Variants in BRD4 observed in about 807,000 individuals in gnomAD.
BRD4 encodes the protein bromodomain containing 4, also known as bromodomain-containing protein 4.
A neutral mutation model predicts 142.1 loss-of-function variants in BRD4; 16 were observed. The ratio of observed to expected loss-of-function variants is 0.11; its 90% CI spans 0.08 to 0.17. The LOEUF (loss-of-function observed/expected upper bound fraction) is 0.17, where lower values mean the gene tolerates loss of function less well. Ranked by LOEUF, BRD4 falls within the 10% of genes least tolerant of loss-of-function variation. BRD4 has a pLI of 1.00. For missense variants in BRD4, 1,424 were observed against 1,810.9 expected (o/e 0.79, Z 3.88); for synonymous variants, 833 against 707.5 (o/e 1.18, Z -2.82).
rs2047396559 is a variant in BRD4, at chr19:15,255,358, G to C, written c.1986C>G (p.Ser662=). 1 of 1,613,996 alleles carries C rather than the reference G, an allele frequency of 6.2e-7. No individual in the cohort carries two copies. The highest frequency in any genetic ancestry group is 1.3e-5 in the African/African-American group (1 of 74,904). The part of the protein sequence containing the change: ...IEIDFETLKP[S]TLRELERYVT... The stretch of plus-strand genomic sequence containing the variant: ...CATAGCGCTCCAGCTCACGCAGTGT[G>C]GACGGCTTCAGGGTCTCAAAGTCGA... The change falls in exon 10 of 20, where the codon TCC becomes TCG. Residue 662 remains serine, a synonymous_variant. Coordinates refer to ENST00000679869, the MANE Select transcript of BRD4 (RefSeq NM_001379291.1).
intron 1 of BRD4, among the ~76,000 whole-genome samples, chr19:15,293,666 A>C (rs1003185401): frequency 2.0e-5 from 3 of 152,244 alleles, no homozygotes; most frequent in Admixed American, 1.3e-4. Flanking sequence ...AATACACAGA[A>C]CCTAAAATCC....
intron 1 of BRD4, among the ~76,000 whole-genome samples, chr19:15,310,811 G>A (rs917695470): frequency 1.3e-5 from 2 of 151,670 alleles, no homozygotes; most frequent in African/African-American, 4.8e-5. Context: ...AGTCCTTTAG[G>A]CAGTCCTGAA....
intron 11 of BRD4, chr19:15,253,250 C>T (rs764329408): frequency 4.3e-5 from 20 of 463,458 alleles, no homozygotes; most frequent in Admixed American, 7.9e-5. Flanking sequence ...AGGGGCTGGT[C>T]GCCAGGCCTT....
At position 15,298,545 on chromosome 19, in the gene BRD4, CG is replaced by C. The variant is rs1275037888; in HGVS notation, c.-34-25413del. On this transcript the variant is annotated intron_variant, in intron 1 of 19. Coordinates refer to ENST00000679869, the MANE Select transcript of BRD4 (RefSeq NM_001379291.1). ...CTGAAGCAGAAGAATCACTTGAACC[CG>C]GGGGGCAGCGGTTGCAGTGAGCAGA... 4.4e-5 allele frequency among the ~76,000 whole-genome samples: 6 copies of C among 136,582 alleles called. No individual in the cohort carries two copies. The Admixed American group carries it at 4.9e-4, about 11-fold the overall frequency. The allele number at this position is 136,582 out of a possible 152,430, so 89.6% of individuals were successfully genotyped here.
intron 11 of BRD4, among the ~76,000 whole-genome samples, chr19:15,251,526 C>T (rs937866040): frequency 1.3e-5 from 2 of 150,972 alleles, no homozygotes; most frequent in Non-Finnish European, 3.0e-5. Context: ...CCACCCTGAC[C>T]CACTCCCGTT....
At chr19:15,257,890 C>T (rs896594758) in intron 7 of BRD4, among the ~76,000 whole-genome samples, 2 of 152,156 alleles carry the variant, frequency 1.3e-5, no homozygotes, top group Non-Finnish European at 2.9e-5. Context: ...ACCTTTCAAC[C>T]CTAAGATCCA....
At chr19:15,306,860 A>G (rs1233975905) in intron 1 of BRD4, among the ~76,000 whole-genome samples, 1 of 152,156 alleles carries the variant, frequency 6.6e-6, no homozygotes, top group East Asian at 1.9e-4. Context: ...AACAGATATA[A>G]TAGTCTGAAA....
chr19:15,245,343 G>A (rs1224126341), intron 11 of BRD4, among the ~76,000 whole-genome samples: 1 of 152,024 alleles, frequency 6.6e-6, no homozygotes, highest in Non-Finnish European at 1.5e-5. Flanking sequence ...AGGACGGTGA[G>A]GAACATATCG....
At chr19:15,312,409 AG>A (rs2047979319) in intron 1 of BRD4, among the ~76,000 whole-genome samples, 1 of 152,056 alleles carries the variant, frequency 6.6e-6, no homozygotes, top group African/African-American at 2.4e-5. Flanking sequence ...CGAGGCGGGC[AG>A]ATCACCTGAG....
At chr19:15,244,828 A>T in intron 11 of BRD4, 66 bp from the exon 12 acceptor site, 1 of 1,609,908 alleles carries the variant, frequency 6.2e-7, no homozygotes, top group South Asian at 1.1e-5. Flanking sequence ...CCTTGGATGA[A>T]GAAAGACGAG....
intron 4 of BRD4, among the ~76,000 whole-genome samples, chr19:15,266,800 G>A (rs149580175): frequency 2.7e-4 from 41 of 152,298 alleles, no homozygotes; most frequent in African/African-American, 6.0e-4. Context: ...CTGCAGCATG[G>A]AGTTGCAAAG....
chr19:15,274,542 T>C (rs544274235), intron 1 of BRD4, among the ~76,000 whole-genome samples: 15 of 152,122 alleles, frequency 9.9e-5, no homozygotes. Flanking sequence ...ACACGCCAGG[T>C]AAGTGATGGC....
chr19:15,272,162 C>A (rs769067497), intron 2 of BRD4, among the ~76,000 whole-genome samples: 4 of 152,122 alleles, frequency 2.6e-5, no homozygotes, highest in Non-Finnish European at 4.4e-5. Flanking sequence ...GGGACATGGG[C>A]ATATGGAAAA....
At chr19:15,318,816 C>A (rs2048037607) in intron 1 of BRD4, among the ~76,000 whole-genome samples, 1 of 152,220 alleles carries the variant, frequency 6.6e-6, no homozygotes, top group Non-Finnish European at 1.5e-5. Flanking sequence ...GCGGCCTTTG[C>A]AACAGACCCA....
At position 15,264,725 on chromosome 19, in the gene BRD4, G is replaced by A. The variant is rs769693022; in HGVS notation, c.891C>T (p.Pro297=). The stretch of plus-strand genomic sequence containing the variant: ...GCTCGTGAATGGGGTCAATGGTGGT[G>A]GGGGTGGTGGTGTCTGCTTTCCTCT... The part of the protein sequence containing the change: ...GVKRKADTTT[P]TTIDPIHEPP... Residue 297 remains proline, a synonymous_variant, in exon 6 of 20, where the codon CCC becomes CCT. Coordinates refer to ENST00000679869, the MANE Select transcript of BRD4 (RefSeq NM_001379291.1). 1.9e-6 allele frequency: 3 copies of A among 1,611,690 alleles called. No individual in the cohort carries two copies. The highest frequency in any genetic ancestry group is 2.5e-6 in the Non-Finnish European group (3 of 1,179,172).
rs199654568 is a variant in BRD4 at position 15,268,993 on chromosome 19, T to C, written c.335A>G (p.Lys112Arg). 4 of 1,614,118 alleles carry C rather than the reference T, an allele frequency of 2.5e-6. No individual in the cohort carries two copies. The highest frequency in any genetic ancestry group is 3.4e-6 in the Non-Finnish European group (4 of 1,180,042). ...KTPMDMGTIK[K>R]RLENNYYWNA... The stretch of plus-strand genomic sequence containing the variant: ...CCAGTAATAGTTGTTTTCCAAGCGC[T>C]TCTTTATTGTTCCCATATCCATAGG... Residue 112 changes from lysine (K) to arginine (R), a missense_variant, in exon 3 of 20, where the codon AAG becomes AGG. By Grantham distance (26) the Lys-to-Arg change is conservative. Around this residue, in one of 16 missense-constraint regions of BRD4, gnomAD observed 55 missense variants for 160.7 expected, o/e 0.34. Coordinates refer to ENST00000679869, the MANE Select transcript of BRD4 (RefSeq NM_001379291.1).
intron 14 of BRD4, among the ~76,000 whole-genome samples, chr19:15,242,227 G>A (rs189575040): frequency 1.1e-3 from 172 of 152,282 alleles, no homozygotes; most frequent in Middle Eastern, 0.01. Flanking sequence ...ACACTGCTGA[G>A]GCCAGGACCC....
intron 1 of BRD4, among the ~76,000 whole-genome samples, chr19:15,292,588 C>T (rs1255284905): frequency 6.6e-6 from 1 of 151,898 alleles, no homozygotes; most frequent in East Asian, 1.9e-4. Context: ...ACCATCTTGG[C>T]TAACATGGTG....
At chr19:15,262,748 A>G (rs1262957371) in intron 7 of BRD4, among the ~76,000 whole-genome samples, 1 of 152,128 alleles carries the variant, frequency 6.6e-6, no homozygotes, top group Non-Finnish European at 1.5e-5. Context: ...AAAAAATAGA[A>G]AAGATGATGA....
Sources: allele counts gnomAD v4.1 joint callset (sites outside exome capture counted in the v4.1 genomes callset), GRCh38; gene constraint gnomAD v4.1.1; regional missense constraint gnomAD v4.1.1; transcripts MANE v1.5; gene names NCBI Gene and HGNC (gene_info 2026-07-23, HGNC 2026-07-21).